GRAMD1C: variants seen among roughly 807,000 people sequenced by gnomAD.
GRAMD1C encodes GRAM domain containing 1C.
Under a neutral mutation model 97.8 loss-of-function variants are expected in GRAMD1C, and 89 were observed. The ratio of observed to expected loss-of-function variants is 0.91; its 90% confidence interval spans 0.77 to 1.09. GRAMD1C has a LOEUF of 1.09. GRAMD1C is among the 50% of genes least tolerant of loss of function. The pLI is 0.00. For synonymous variants in GRAMD1C, 256 were observed against 267.0 expected, an observed-to-expected ratio of 0.96 and a Z score of 0.40; for missense variants, 740 against 766.4, an observed-to-expected ratio of 0.97 and a Z score of 0.41.
chr3:113,897,677 A>G (rs962324372), intron 6 of GRAMD1C: 3 of 981,912 alleles, frequency 3.1e-6, no homozygotes, highest in South Asian at 4.7e-5. Flanking sequence ...AGATGGCAAC[A>G]TACTTAGAAT....
At chr3:113,869,065 G>A (rs1934692009) in intron 2 of GRAMD1C, among the ~76,000 whole-genome samples, 2 of 152,016 alleles carry the variant, frequency 1.3e-5, no homozygotes, top group South Asian at 4.2e-4. Flanking sequence ...ATAGCTGCCA[G>A]TTTTCATGAT....
At chr3:113,907,087 CCT>C (rs1314519556) in intron 8 of GRAMD1C, among the ~76,000 whole-genome samples, 2 of 152,022 alleles carry the variant, frequency 1.3e-5, no homozygotes, top group African/African-American at 4.8e-5. Flanking sequence ...ATAATGTATC[CCT>C]GTCATCAAAG....
intron 17 of GRAMD1C, among the ~76,000 whole-genome samples, chr3:113,943,365 A>G (rs551972835): frequency 6.6e-6 from 1 of 152,348 alleles, no homozygotes; most frequent in South Asian, 2.1e-4. Context: ...AAAAGTTTTT[A>G]TTCACAAGGT....
intron 9 of GRAMD1C, among the ~76,000 whole-genome samples, chr3:113,911,699 C>CT (rs1375593202): frequency 2.7e-5 from 2 of 72,736 alleles, no homozygotes; most frequent in African/African-American, 8.0e-5. Context: ...CTGTTTCTTT[C>CT]CTTCCTTCCT....
At chr3:113,867,677 T>C (rs1450128371) in intron 2 of GRAMD1C, among the ~76,000 whole-genome samples, 1 of 152,192 alleles carries the variant, frequency 6.6e-6, no homozygotes, top group Admixed American at 6.6e-5. Flanking sequence ...AATTATACTG[T>C]TTTTCAACTG....
At chr3:113,839,039 C>A in intron 1 of GRAMD1C, 103 bp downstream of exon 1, 1 of 695,932 alleles carries the variant, frequency 1.4e-6, no homozygotes, top group Non-Finnish European at 2.0e-6. Flanking sequence ...TAATCCCTCC[C>A]TTCCCTTTTC....
At chr3:113,878,932 C>T (rs549319707) in intron 5 of GRAMD1C, among the ~76,000 whole-genome samples, 9 of 152,170 alleles carry the variant, frequency 5.9e-5, no homozygotes, top group East Asian at 1.9e-4. Flanking sequence ...CTCGGCCAGG[C>T]GCAGTGGCTC....
rs1363363324 is a variant in GRAMD1C at position 113,882,732 on chromosome 3, C to T, written c.460-20C>T. On this transcript the variant is annotated intron_variant, in intron 5 of 17. Coordinates refer to ENST00000358160, the MANE Select transcript of GRAMD1C (RefSeq NM_017577.5). ...TTATTTTCCATGACACTAAAATTCT[C>T]CTATTATTTTTCTTTGCAGTTTTTC... 1 of 1,375,194 alleles carries T rather than the reference C, an allele frequency of 7.3e-7. No homozygotes were observed. Among genetic ancestry groups the T allele is most frequent in the African/African-American group, 1.4e-5 (1 of 70,470 alleles). The allele number at this position is 1,375,194 out of a possible 1,614,324, so 85.2% of individuals were successfully genotyped here. A position where few individuals can be genotyped will look rare whatever the true frequency, so the allele number is the denominator to read the frequency against.
intron 13 of GRAMD1C, among the ~76,000 whole-genome samples, chr3:113,935,781 G>A (rs759496629): frequency 7.9e-5 from 12 of 152,170 alleles, no homozygotes; most frequent in South Asian, 2.1e-4. Flanking sequence ...TCTGGCAGAG[G>A]AAAAGTTTGA....
At position 113,947,010 on chromosome 3, in the gene GRAMD1C, T is replaced by C. The variant is rs916123843; in HGVS notation, c.*1532T>C. On this transcript the variant is annotated 3_prime_UTR_variant, in exon 18 of 18. Coordinates refer to ENST00000358160, the MANE Select transcript of GRAMD1C (RefSeq NM_017577.5). ...CAAAAATGATCGACAAACAATATTT[T>C]TGTGATGTTTATTTAAACGTTGTAT... 6.6e-6 allele frequency: 1 copy of C among 152,234 alleles called. No individual in the cohort carries two copies. Among genetic ancestry groups the C allele is most frequent in the Non-Finnish European group, 1.5e-5 (1 of 68,052 alleles). 9.4% of individuals were successfully genotyped at this position (152,234 alleles called of 1,614,324 possible).
At chr3:113,840,012 G>A (rs1709740557) in intron 1 of GRAMD1C, among the ~76,000 whole-genome samples, 2 of 152,130 alleles carry the variant, frequency 1.3e-5, no homozygotes, top group African/African-American at 4.8e-5. Flanking sequence ...ACACCCTGAG[G>A]TTGGAGTGCA....
At chr3:113,856,563 A>T (rs1934138003) in intron 2 of GRAMD1C, among the ~76,000 whole-genome samples, 1 of 152,186 alleles carries the variant, frequency 6.6e-6, no homozygotes. Flanking sequence ...ATTTAGAGAC[A>T]GAGTCCTGCT....
At chr3:113,913,425 T>A in intron 9 of GRAMD1C, among the ~76,000 whole-genome samples, 2 of 94,088 alleles carry the variant, frequency 2.1e-5, no homozygotes, top group African/African-American at 4.5e-5. Flanking sequence ...TGAGACTCTG[T>A]CTCCAAAAAA....
chr3:113,909,682 G>A (rs1332251484), intron 9 of GRAMD1C, among the ~76,000 whole-genome samples: 1 of 152,186 alleles, frequency 6.6e-6, no homozygotes, highest in African/African-American at 2.4e-5. Context: ...ATGAAAGCAA[G>A]TAGTTATGGC....
chr3:113,828,375 T>G (rs370034470), intron 1 of GRAMD1C: 12 of 152,198 alleles, frequency 7.9e-5, no homozygotes, highest in African/African-American at 2.9e-4. Context: ...TGAAAGCCCA[T>G]GAGCTAGAAC....
At chr3:113,832,320 G>T (rs999109985) in intron 1 of GRAMD1C, among the ~76,000 whole-genome samples, 3 of 152,124 alleles carry the variant, frequency 2.0e-5, no homozygotes, top group African/African-American at 7.2e-5. Flanking sequence ...GAGCCACTGT[G>T]CCTGGCATAA....
At position 113,869,714 on chromosome 3, in the gene GRAMD1C, G is replaced by A. The variant is rs1034090075; in HGVS notation, c.259+123G>A. The A allele has an allele frequency of 2.5e-4, 143 of 565,128 alleles. 2 individuals carry two copies. The highest frequency in any genetic ancestry group is 3.5e-5 in the Non-Finnish European group (11 of 317,764). 35.0% of individuals were successfully genotyped at this position (565,128 alleles called of 1,614,324 possible). ...AGACAGAATATAATTTTCAAGTTAA[G>A]CATCATCCTTATGATCCAGCAATCC... is the stretch of plus-strand genomic sequence containing the variant. On this transcript the variant is annotated intron_variant, in intron 3 of 17. Coordinates refer to ENST00000358160, the MANE Select transcript of GRAMD1C (RefSeq NM_017577.5).
intron 6 of GRAMD1C, among the ~76,000 whole-genome samples, chr3:113,884,870 G>A (rs1411805869): frequency 6.7e-6 from 1 of 149,342 alleles, no homozygotes; most frequent in Non-Finnish European, 1.5e-5. Context: ...AAAAGAGAGA[G>A]GCGCAGCGGA....
rs991003343 is a variant in GRAMD1C at position 113,920,463 on chromosome 3, T to C, written c.1090+4625T>C. Among the ~76,000 whole-genome samples the C allele has an allele frequency of 3.3e-5, 5 of 152,336 alleles. No homozygotes were observed. In the South Asian group the frequency reaches 1.0e-3, roughly 32 times the overall value. ...TTGTTTTTACTTCACACTTTGATGA[T>C]AAGCACTCAGATGTGCATCAGCATA... On this transcript the variant is annotated intron_variant, in intron 10 of 17. Transcript: ENST00000358160.
Sources: allele counts gnomAD v4.1 joint callset (sites outside exome capture counted in the v4.1 genomes callset), GRCh38; gene constraint gnomAD v4.1.1; transcripts MANE v1.5; gene names NCBI Gene and HGNC (gene_info 2026-07-23, HGNC 2026-07-21).